The following FRMD5 variants were observed in gnomAD, a reference collection of about 807,000 sequenced individuals.
FRMD5 encodes the protein FERM domain containing 5, also known as FERM domain-containing protein 5.
A neutral mutation model predicts 69.0 loss-of-function variants in FRMD5; 20 were observed. The ratio of observed to expected loss-of-function variants is 0.29; its 90% confidence interval spans 0.20 to 0.42. FRMD5 has a LOEUF of 0.42. Ranked by LOEUF, FRMD5 falls within the 10% of genes least tolerant of loss-of-function variation. The pLI, the probability that FRMD5 is intolerant of heterozygous loss-of-function variation, is 1.00. For synonymous variants in FRMD5, 271 were observed against 260.1 expected, an observed-to-expected ratio of 1.04 and a Z score of -0.40; for missense variants, 595 against 708.6, an observed-to-expected ratio of 0.84 and a Z score of 1.82.
intron 1 of FRMD5, among the ~76,000 whole-genome samples, chr15:44,069,792 A>C (rs1483165635): frequency 6.6e-6 from 1 of 152,188 alleles, no homozygotes; most frequent in Non-Finnish European, 1.5e-5. Context: ...GCAAGATGTT[A>C]CCATAGGGAA....
chr15:44,110,178 C>T (rs2076777633), intron 1 of FRMD5, among the ~76,000 whole-genome samples: 1 of 152,176 alleles, frequency 6.6e-6, no homozygotes, highest in Admixed American at 6.5e-5. Flanking sequence ...TTATAAACAT[C>T]CACAGGCAGT....
chr15:43,883,749 G>A lies in FRMD5; in HGVS notation c.1089C>T (p.Ser363=), dbSNP rs138918346. ...PSITHGPRLS[S]VPRTRRRAVH... Reference sequence around the variant, plus strand: ...CAGCTCTTCTGCGGGTCCTGGGGACGCTGCTCAGCCTTGGGCCATGGGTTA... The same window carrying A: ...CAGCTCTTCTGCGGGTCCTGGGGACACTGCTCAGCCTTGGGCCATGGGTTA... Residue 363 remains serine, a synonymous_variant, in exon 13 of 14, where the codon AGC becomes AGT. Coordinates refer to ENST00000417257, the MANE Select transcript of FRMD5 (RefSeq NM_032892.5). 4.1e-5 allele frequency: 66 copies of A among 1,613,652 alleles called. No homozygotes were observed. Among genetic ancestry groups the A allele is most frequent in the South Asian group, 6.6e-5 (6 of 91,048 alleles).
At chr15:44,026,395 T>A (rs534687826) in intron 1 of FRMD5, among the ~76,000 whole-genome samples, 2 of 152,380 alleles carry the variant, frequency 1.3e-5, no homozygotes, top group South Asian at 4.1e-4. Flanking sequence ...AGCATTTGAC[T>A]GTATTAAAAT....
At chr15:44,174,231 T>C (rs1405445501) in intron 1 of FRMD5, among the ~76,000 whole-genome samples, 4 of 152,146 alleles carry the variant, frequency 2.6e-5, no homozygotes, top group African/African-American at 9.7e-5. Flanking sequence ...TGGTAATTTC[T>C]AGAAAAACCT....
Position 43,874,259 on chromosome 15 carries a change from G to A in FRMD5, c.1339C>T (p.Arg447Trp), listed in dbSNP as rs754100527. 1.7e-5 allele frequency: 27 copies of A among 1,614,074 alleles called. No individual in the cohort carries two copies. The highest frequency in any genetic ancestry group is 7.7e-5 in the South Asian group (7 of 91,094). Reference sequence around the variant, plus strand: ...CTGCAGGTGGCTCCATTGATCTGCCGGGAAAGCAACATCAGCTCCAGGCTG... The same window carrying A: ...CTGCAGGTGGCTCCATTGATCTGCCAGGAAAGCAACATCAGCTCCAGGCTG... ...EHSLELMLLS[R>W]QINGATCSIE... Residue 447 changes from arginine (R) to tryptophan (W), a missense_variant, in exon 14 of 14, where the codon CGG (arginine) becomes TGG (tryptophan). By Grantham distance (101) the Arg-to-Trp change is moderately radical. Transcript: ENST00000417257.
At chr15:44,021,733 T>C (rs1044069003) in intron 1 of FRMD5, among the ~76,000 whole-genome samples, 3 of 152,178 alleles carry the variant, frequency 2.0e-5, no homozygotes, top group East Asian at 3.9e-4. Flanking sequence ...TAAAATGTTA[T>C]GGTCGCTCCT....
intron 13 of FRMD5, among the ~76,000 whole-genome samples, chr15:43,878,087 C>A (rs181611393): frequency 6.6e-6 from 1 of 152,130 alleles, no homozygotes; most frequent in Admixed American, 6.5e-5. Flanking sequence ...ACTGCAGCCT[C>A]GACCTCCCAG....
chr15:44,196,079 C>T (rs1427439341), upstream of FRMD5, among the ~76,000 whole-genome samples: 1 of 152,070 alleles, frequency 6.6e-6, no homozygotes, highest in African/African-American at 2.4e-5. Context: ...TCTTTGTCAC[C>T]CCAAATTTAC....
intron 1 of FRMD5, among the ~76,000 whole-genome samples, chr15:43,942,344 C>G (rs2089876890): frequency 6.6e-6 from 1 of 152,196 alleles, no homozygotes; most frequent in Non-Finnish European, 1.5e-5. Context: ...CTAGAGCAGT[C>G]TAGTACAAGG....
chr15:44,058,675 A>C (rs1333189770), intron 1 of FRMD5, among the ~76,000 whole-genome samples: 1 of 151,768 alleles, frequency 6.6e-6, no homozygotes, highest in Non-Finnish European at 1.5e-5. Flanking sequence ...AGTCCCAGCT[A>C]CTCAGGAGGC....
intron 1 of FRMD5, among the ~76,000 whole-genome samples, chr15:44,155,981 C>G (rs188397373): frequency 6.6e-6 from 1 of 151,840 alleles, no homozygotes; most frequent in East Asian, 1.9e-4. Context: ...CAGAGGAAAG[C>G]AGGAAAAAAA....
Position 43,916,995 on chromosome 15 carries a change from G to C in FRMD5, c.329+2464C>G, listed in dbSNP as rs376713054. Among the ~76,000 whole-genome samples, 25 of 152,196 alleles carry C rather than the reference G, an allele frequency of 1.6e-4. No homozygotes were observed. The East Asian group carries it at 3.9e-3, about 24-fold the overall frequency. Reference sequence around the variant, plus strand: ...GGGTTTCACCATGTTGGTCAGGCTGGTCTCAAACTCCTGACCTCAGATGAT... The same window carrying C: ...GGGTTTCACCATGTTGGTCAGGCTGCTCTCAAACTCCTGACCTCAGATGAT... On this transcript the variant is annotated intron_variant, in intron 4 of 13. Coordinates refer to ENST00000417257, the MANE Select transcript of FRMD5 (RefSeq NM_032892.5).
intron 1 of FRMD5, among the ~76,000 whole-genome samples, chr15:44,030,205 T>A (rs79499380): frequency 0.044 from 6,676 of 151,874 alleles, 194 homozygotes; most frequent in Non-Finnish European, 0.055. Flanking sequence ...TTTTTTTTTT[T>A]ACAAAATTAA....
intron 2 of FRMD5, among the ~76,000 whole-genome samples, chr15:43,923,311 T>A (rs915337100): frequency 3.9e-5 from 6 of 152,192 alleles, no homozygotes; most frequent in African/African-American, 1.2e-4. Context: ...GGAACACAGG[T>A]AATCACAGAA....
chr15:44,130,544 C>A (rs2077084209), intron 1 of FRMD5, among the ~76,000 whole-genome samples: 1 of 152,136 alleles, frequency 6.6e-6, no homozygotes, highest in South Asian at 2.1e-4. Context: ...TAAAAAATGA[C>A]TCTGGAGCAA....
chr15:44,130,658 T>C (rs2077085793), intron 1 of FRMD5, among the ~76,000 whole-genome samples: 1 of 152,146 alleles, frequency 6.6e-6, no homozygotes, highest in Non-Finnish European at 1.5e-5. Flanking sequence ...ACTTGAATAG[T>C]TACAAATTAC....
intron 1 of FRMD5, among the ~76,000 whole-genome samples, chr15:43,943,303 C>T (rs2089892115): frequency 6.6e-6 from 1 of 152,166 alleles, no homozygotes; most frequent in East Asian, 1.9e-4. Flanking sequence ...TGGTCTCAAA[C>T]TCCTAGACTC....
At chr15:44,060,248 C>T (rs1893036844) in intron 1 of FRMD5, among the ~76,000 whole-genome samples, 1 of 152,148 alleles carries the variant, frequency 6.6e-6, no homozygotes, top group African/African-American at 2.4e-5. Flanking sequence ...CATAAGCAGC[C>T]CTTGAAGGCA....
chr15:44,121,229 C>T (rs2076945077), intron 1 of FRMD5, among the ~76,000 whole-genome samples: 3 of 121,504 alleles, frequency 2.5e-5, no homozygotes, highest in Non-Finnish European at 4.8e-5. Flanking sequence ...AGTATAAGGG[C>T]TGATGAAGTA....
Sources: gnomAD v4.1 joint callset for allele counts (sites outside exome capture counted in the v4.1 genomes callset) on GRCh38, gnomAD v4.1.1 for gene constraint, MANE v1.5 for transcripts, NCBI Gene and HGNC (gene_info 2026-07-23, HGNC 2026-07-21) for gene names.